The following EPHB1 variants were observed in gnomAD, a reference collection of about 807,000 sequenced individuals.
EPHB1 encodes ephrin type-B receptor 1.
In EPHB1, 30 loss-of-function variants were observed where a neutral mutation model predicts 94.4. The observed-to-expected ratio is 0.32, with a 90% confidence interval of 0.24 to 0.43. EPHB1 has a LOEUF of 0.43. EPHB1 is among the 20% of genes least tolerant of loss of function. EPHB1 has a pLI of 1.00. For missense variants in EPHB1, 1,055 were observed against 1,308.3 expected (o/e 0.81, Z 2.99); for synonymous variants, 522 against 489.1 (o/e 1.07, Z -0.89).
intron 3 of EPHB1, among the ~76,000 whole-genome samples, chr3:134,958,077 G>A (rs907317788): frequency 1.3e-5 from 2 of 151,910 alleles, no homozygotes; most frequent in African/African-American, 2.4e-5. Flanking sequence ...TCATTCCTCC[G>A]CCCTCTCCAA....
At chr3:135,030,601 C>G (rs952404231) in intron 3 of EPHB1, among the ~76,000 whole-genome samples, 5 of 152,194 alleles carry the variant, frequency 3.3e-5, no homozygotes, top group Admixed American at 6.5e-5. Flanking sequence ...CCAGCTGCGT[C>G]CTGGGAGAAC....
intron 3 of EPHB1, among the ~76,000 whole-genome samples, chr3:134,997,104 T>C (rs1344378936): frequency 2.2e-4 from 33 of 152,338 alleles, no homozygotes; most frequent in Non-Finnish European, 1.5e-5. Context: ...CATTTAGGGA[T>C]TGGATATAAA....
rs1166861216 is a variant in EPHB1 at position 135,054,893 on chromosome 3, C to G, written c.806-51555C>G. On this transcript the variant is annotated intron_variant, in intron 3 of 15. Coordinates refer to ENST00000398015, the MANE Select transcript of EPHB1 (RefSeq NM_004441.5). ...CTGCATTTGTCCTTACACTTCCTTC[C>G]CTTATACCACCTATGCTTTCATTTT... Among the ~76,000 whole-genome samples the G allele has an allele frequency of 2.0e-5, 3 of 152,108 alleles. No homozygotes were observed. The East Asian group carries it at 5.8e-4, about 29-fold the overall frequency.
intron 9 of EPHB1, among the ~76,000 whole-genome samples, chr3:135,175,626 T>C (rs1941958200): frequency 2.0e-5 from 3 of 152,126 alleles, no homozygotes. Flanking sequence ...GTGCCAAAGG[T>C]ATGTAACCTA....
chr3:134,981,885 G>A (rs2107733764), intron 3 of EPHB1, among the ~76,000 whole-genome samples: 1 of 152,332 alleles, frequency 6.6e-6, no homozygotes, highest in East Asian at 1.9e-4. Context: ...TTGACAACAA[G>A]TCCTTGATGG....
At chr3:134,989,835 G>A (rs1274448276) in intron 3 of EPHB1, among the ~76,000 whole-genome samples, 1 of 152,068 alleles carries the variant, frequency 6.6e-6, no homozygotes, top group Admixed American at 6.6e-5. Flanking sequence ...GAAACAATGA[G>A]ATTTAAATCA....
chr3:134,928,986 A>G (rs2038852440), intron 2 of EPHB1, among the ~76,000 whole-genome samples: 1 of 152,142 alleles, frequency 6.6e-6, no homozygotes, highest in Admixed American at 6.5e-5. Context: ...ATGGTTAAGT[A>G]TACAGATGGT....
chr3:134,871,605 T>C (rs150377222), intron 1 of EPHB1, among the ~76,000 whole-genome samples: 72 of 152,334 alleles, frequency 4.7e-4, no homozygotes, highest in African/African-American at 1.6e-3. Context: ...ATTGAGTGTA[T>C]TGCACTTCAT....
intron 9 of EPHB1, among the ~76,000 whole-genome samples, chr3:135,177,596 A>G (rs923070930): frequency 2.0e-5 from 3 of 152,230 alleles, no homozygotes; most frequent in African/African-American, 4.8e-5. Flanking sequence ...TCAATGACCC[A>G]CAGTGGTCAG....
chr3:134,865,360 T>C (rs1315300458), intron 1 of EPHB1, among the ~76,000 whole-genome samples: 1 of 152,152 alleles, frequency 6.6e-6, no homozygotes, highest in African/African-American at 2.4e-5. Context: ...GAATCACTGA[T>C]CTGGGGGCTC....
At chr3:134,826,329 T>C (rs1178279801) in intron 1 of EPHB1, among the ~76,000 whole-genome samples, 1 of 152,160 alleles carries the variant, frequency 6.6e-6, no homozygotes, top group African/African-American at 2.4e-5. Flanking sequence ...GAAGTTCTTC[T>C]TGTTATCTGC....
Position 134,951,220 on chromosome 3 carries a change from T to A in EPHB1, c.124-151T>A, listed in dbSNP as rs535969451. ...AAGATCTTTAAAATCAAGTTGCGCT[T>A]AGATGTGTTCATTTCTCAAGTCAAT... On this transcript the variant is annotated intron_variant, in intron 2 of 15. Transcript: ENST00000398015. This position sits in a 1 kb window ranked among gnomAD's most constrained non-coding sequence, Gnocchi z 4.5. 4 of 630,494 alleles carry A rather than the reference T, an allele frequency of 6.3e-6. No individual in the cohort carries two copies. The East Asian group carries it at 8.5e-5, about 13-fold the overall frequency. 39.1% of individuals were successfully genotyped at this position (630,494 alleles called of 1,614,324 possible).
rs1269647399 is a variant in EPHB1 at position 135,173,575 on chromosome 3, GA to G, written c.1760-6280del. Among the ~76,000 whole-genome samples, 4 of 152,298 alleles carry G rather than the reference GA, an allele frequency of 2.6e-5. No homozygotes were observed. The East Asian group carries it at 7.7e-4, about 29-fold the overall frequency. ...GGCACCCATGACCCCTGCTCTCATG[GA>G]AAAAGACAACCACCCAGTGTCCTGG... On this transcript the variant is annotated intron_variant, in intron 9 of 15. Transcript: ENST00000398015.
chr3:135,108,512 G>A (rs1436932404), intron 4 of EPHB1, among the ~76,000 whole-genome samples: 1 of 152,142 alleles, frequency 6.6e-6, no homozygotes, highest in African/African-American at 2.4e-5. Flanking sequence ...CTTGACCTCT[G>A]AGATGCCTCT....
intron 3 of EPHB1, among the ~76,000 whole-genome samples, chr3:135,036,705 G>T (rs574246193): frequency 6.6e-6 from 1 of 152,278 alleles, no homozygotes; most frequent in Non-Finnish European, 1.5e-5. Flanking sequence ...GATCAGTCAG[G>T]TCCTATGTCT....
intron 1 of EPHB1, among the ~76,000 whole-genome samples, chr3:134,797,115 A>G (rs919750839): frequency 1.1e-4 from 16 of 152,174 alleles, no homozygotes; most frequent in African/African-American, 3.6e-4. Context: ...ATTAATGCCT[A>G]GAAAGCTCTC....
intron 3 of EPHB1, among the ~76,000 whole-genome samples, chr3:135,042,258 G>T (rs1936873947): frequency 6.6e-6 from 1 of 152,148 alleles, no homozygotes; most frequent in Non-Finnish European, 1.5e-5. Context: ...ACCCACTTCT[G>T]TGATAATATC....
intron 3 of EPHB1, among the ~76,000 whole-genome samples, chr3:134,985,781 C>G (rs1385703869): frequency 6.6e-6 from 1 of 152,134 alleles, no homozygotes. Context: ...AGGCTCCTTT[C>G]TTCCAAAAAC....
intron 15 of EPHB1, among the ~76,000 whole-genome samples, chr3:135,257,514 C>G (rs139579468): frequency 6.6e-6 from 1 of 152,044 alleles, no homozygotes. Context: ...GGGGTGCCTC[C>G]CAGTTAGGTT....
Sources: allele counts gnomAD v4.1 joint callset (sites outside exome capture counted in the v4.1 genomes callset), GRCh38; gene constraint gnomAD v4.1.1; non-coding constraint Gnocchi (gnomAD v3.1); transcripts MANE v1.5; gene names NCBI Gene and HGNC (gene_info 2026-07-23, HGNC 2026-07-21).